Variants in PNPLA7 observed in about 807,000 individuals in gnomAD.
The protein encoded by PNPLA7 is patatin-like phospholipase domain-containing protein 7.
A neutral mutation model predicts 161.7 loss-of-function variants in PNPLA7; 153 were observed. That is an observed-to-expected ratio of 0.95 (90% CI 0.83 to 1.08). The LOEUF (loss-of-function observed/expected upper bound fraction) is 1.08, where lower values mean the gene tolerates loss of function less well. Ranked by LOEUF, PNPLA7 falls within the 50% of genes least tolerant of loss-of-function variation. The probability of loss-of-function intolerance (pLI) is 0.00; values close to 1 mark genes in which losing one functional copy is unlikely to be tolerated. For synonymous variants in PNPLA7, 809 were observed against 782.1 expected (o/e 1.03, Z -0.57); for missense variants, 1,739 against 1,856.6 (o/e 0.94, Z 1.16).
intron 20 of PNPLA7, chr9:137,491,597 C>T: frequency 1.0e-6 from 1 of 985,430 alleles, no homozygotes; most frequent in East Asian, 1.1e-4. Flanking sequence ...CCCCCAAATT[C>T]ATGTCTACCC....
chr9:137,478,727 C>T, intron 24 of PNPLA7: 1 of 265,110 alleles, frequency 3.8e-6, no homozygotes, highest in Non-Finnish European at 7.2e-6. Flanking sequence ...GCCCATCCCC[C>T]AGGGTTCACT....
At chr9:137,495,466 C>CG (rs1329336581) in intron 18 of PNPLA7, among the ~76,000 whole-genome samples, 1 of 151,474 alleles carries the variant, frequency 6.6e-6, no homozygotes, top group African/African-American at 2.4e-5. Context: ...TTCTTGGAGA[C>CG]GGAGTCTCAT....
intron 14 of PNPLA7, among the ~76,000 whole-genome samples, chr9:137,503,041 T>C (rs1429663215): frequency 6.6e-6 from 1 of 151,968 alleles, no homozygotes; most frequent in African/African-American, 2.4e-5. Flanking sequence ...TTATTCCATC[T>C]ATTCTATATA....
chr9:137,517,242 C>CCG (rs2132442840), intron 11 of PNPLA7, among the ~76,000 whole-genome samples: 1 of 104,314 alleles, frequency 9.6e-6, no homozygotes, highest in African/African-American at 4.0e-5. Flanking sequence ...CCATCCCTCA[C>CCG]TCACTCACTC....
Position 137,540,800 on chromosome 9 carries a change from C to T in PNPLA7, c.667-78G>A, listed in dbSNP as rs770412997. 52 of 1,373,714 alleles carry T rather than the reference C, an allele frequency of 3.8e-5. No homozygotes were observed. Among genetic ancestry groups the T allele is most frequent in the South Asian group, 6.1e-5 (5 of 81,888 alleles). The allele number at this position is 1,373,714 out of a possible 1,614,324, so 85.1% of individuals were successfully genotyped here. A position where few individuals can be genotyped will look rare whatever the true frequency, so the allele number is the denominator to read the frequency against. On this transcript the variant is annotated intron_variant, in intron 7 of 34. Coordinates refer to ENST00000406427, the MANE Select transcript of PNPLA7 (RefSeq NM_001098537.3). The surrounding 1 kb of genome is among the most constrained non-coding windows in gnomAD (Gnocchi z 5.1). ...GGCCTGGCGGAGGCTCAGCCCAGCC[C>T]AGGGCAGTGGGGCCACGGGCCTGCA...
Position 137,540,988 on chromosome 9 carries a change from G to A in PNPLA7, c.667-266C>T. ...ATGACTCGTCTTCAATGTGGGGACT[G>A]AGGCAAAAGCTCGCAGAGCCTGTTT... On this transcript the variant is annotated intron_variant, in intron 7 of 34. Transcript: ENST00000406427. The surrounding 1 kb of genome is among the most constrained non-coding windows in gnomAD (Gnocchi z 5.1). The A allele has an allele frequency of 4.7e-6, 2 of 425,992 alleles. No homozygotes were observed. Among genetic ancestry groups the A allele is most frequent in the Middle Eastern group, 6.7e-4 (1 of 1,500 alleles). The allele number at this position is 425,992 out of a possible 1,614,324, so 26.4% of individuals were successfully genotyped here.
intron 25 of PNPLA7, among the ~76,000 whole-genome samples, chr9:137,475,601 C>T (rs1435529368): frequency 2.0e-5 from 3 of 152,072 alleles, no homozygotes; most frequent in Admixed American, 6.5e-5. Context: ...CTCTCAAACT[C>T]CTGACCTTGT....
At chr9:137,480,847 G>A in intron 22 of PNPLA7, 113 bp downstream of exon 22, 1 of 1,164,198 alleles carries the variant, frequency 8.6e-7, no homozygotes, top group Non-Finnish European at 1.2e-6. Flanking sequence ...ACCACAGTGT[G>A]CTGGACGAGG....
At chr9:137,466,036 C>T (rs992299688) in intron 26 of PNPLA7, among the ~76,000 whole-genome samples, 2 of 152,186 alleles carry the variant, frequency 1.3e-5, no homozygotes, top group Non-Finnish European at 2.9e-5. Flanking sequence ...GACACTGAGC[C>T]GCCCTGACCT....
At chr9:137,461,428 G>A (rs1445146335) in intron 33 of PNPLA7, 108 bp downstream of exon 33, 9 of 1,204,902 alleles carry the variant, frequency 7.5e-6, no homozygotes, top group Non-Finnish European at 1.0e-5. Flanking sequence ...GGGCGTGGAC[G>A]TGGGCGGGAG....
rs1423846210 is a variant in PNPLA7, at chr9:137,498,159, A to T, written c.1844T>A (p.Phe615Tyr). Reference protein sequence around the residue: ...RMSSFVRQIDFALDWVEVEAG... With the variant: ...RMSSFVRQIDYALDWVEVEAG... The stretch of plus-strand genomic sequence containing the variant: ...CTCCACCTCCACCCAGTCCAGGGCA[A>T]AGTCGATTTGCCGCACGAAGGACGA... The change falls in exon 17 of 35, where the codon TTT becomes TAT. Residue 615 changes from phenylalanine to tyrosine, a missense_variant. Around this residue, in one of 6 missense-constraint regions of PNPLA7, gnomAD observed 481 missense variants for 450.0 expected, o/e 1.07. Coordinates refer to ENST00000406427, the MANE Select transcript of PNPLA7 (RefSeq NM_001098537.3). 6.2e-7 allele frequency: 1 copy of T among 1,613,052 alleles called. No individual in the cohort carries two copies. The highest frequency in any genetic ancestry group is 2.2e-5 in the East Asian group (1 of 44,886).
chr9:137,480,454 C>G lies in PNPLA7; in HGVS notation c.2438G>C (p.Trp813Ser), dbSNP rs752711738. 14 of 1,612,042 alleles carry G rather than the reference C, an allele frequency of 8.7e-6. No homozygotes were observed. The South Asian group carries it at 1.5e-4, about 18-fold the overall frequency. The change falls in exon 23 of 35, where the codon TGG (tryptophan) becomes TCG (serine). Residue 813 changes from tryptophan to serine, a missense_variant. By Grantham distance (177) the Trp-to-Ser change is radical. Coordinates refer to ENST00000406427, the MANE Select transcript of PNPLA7 (RefSeq NM_001098537.3). ...DSVHEYRLSS[W>S]LGQQEDTHRI... The stretch of plus-strand genomic sequence containing the variant: ...GTGGGTGTCCTCCTGCTGCCCCAGC[C>G]AGCTGGACAGCCGGTACTCGTGAAC...
At chr9:137,518,173 G>GAC (rs1834736931) in intron 11 of PNPLA7, among the ~76,000 whole-genome samples, 1 of 97,278 alleles carries the variant, frequency 1.0e-5, no homozygotes, top group Non-Finnish European at 2.0e-5. Flanking sequence ...ACTCCACTCT[G>GAC]TCCACTCCAT....
rs1183485315 is a variant in PNPLA7 at position 137,505,770 on chromosome 9, A to C, written c.1327-10T>G. The C allele has an allele frequency of 4.3e-6, 7 of 1,613,364 alleles. No individual in the cohort carries two copies. The highest frequency in any genetic ancestry group is 1.7e-5 in the Admixed American group (1 of 60,002). ...TCACGCTTTTCCTGGACTGGAGAAG[A>C]ACGGAGATACCGGCAATTCGAAGGG... On this transcript the variant is annotated splice_polypyrimidine_tract_variant and intron_variant, in intron 13 of 34. Coordinates refer to ENST00000406427, the MANE Select transcript of PNPLA7 (RefSeq NM_001098537.3).
chr9:137,511,951 G>C (rs1225449441), intron 12 of PNPLA7, among the ~76,000 whole-genome samples: 5 of 152,152 alleles, frequency 3.3e-5, no homozygotes, highest in Non-Finnish European at 7.3e-5. Flanking sequence ...TCAATCACTT[G>C]AGATGACTCA....
chr9:137,494,880 T>G (rs1364876885), intron 19 of PNPLA7, among the ~76,000 whole-genome samples, 153 bp downstream of exon 19: 1 of 147,772 alleles, frequency 6.8e-6, no homozygotes, highest in Non-Finnish European at 1.5e-5. Flanking sequence ...CTCCGTGACC[T>G]CATCCACTCC....
rs535110997 is a variant in PNPLA7, at chr9:137,541,786, A to AT, written c.666+855dup. ...AGCTCCTACGTGGATTCACACCCGA[A>AT]TTTTTTTTTTTTTGAGACAGGGTCT... On this transcript the variant is annotated intron_variant, in intron 7 of 34. Coordinates refer to ENST00000406427, the MANE Select transcript of PNPLA7 (RefSeq NM_001098537.3). This position sits in a 1 kb window ranked among gnomAD's most constrained non-coding sequence, Gnocchi z 4.4. Among the ~76,000 whole-genome samples the AT allele has an allele frequency of 1.3e-3, 192 of 146,796 alleles. No homozygotes were observed. Among genetic ancestry groups the AT allele is most frequent in the Admixed American group, 5.1e-3 (75 of 14,618 alleles).
At chr9:137,502,900 G>A (rs896585076) in intron 14 of PNPLA7, among the ~76,000 whole-genome samples, 1 of 151,780 alleles carries the variant, frequency 6.6e-6, no homozygotes, top group Non-Finnish European at 1.5e-5. Flanking sequence ...ATATCCACCA[G>A]TGACGTGCTA....
At chr9:137,545,662 T>C (rs1836465074) in intron 4 of PNPLA7, among the ~76,000 whole-genome samples, 1 of 152,208 alleles carries the variant, frequency 6.6e-6, no homozygotes, top group Non-Finnish European at 1.5e-5. Context: ...TTACTCTTTA[T>C]TCCAATATTA....
Sources: gnomAD v4.1 joint callset for allele counts (sites outside exome capture counted in the v4.1 genomes callset) on GRCh38, gnomAD v4.1.1 for gene constraint, gnomAD v4.1.1 regional missense constraint, Gnocchi (gnomAD v3.1) non-coding constraint, MANE v1.5 for transcripts, NCBI Gene and HGNC (gene_info 2026-07-23, HGNC 2026-07-21) for gene names.